The following TMPO variants were observed in gnomAD, a reference collection of about 807,000 sequenced individuals.
The protein encoded by TMPO is LEM domain containing 4.
Under a neutral mutation model 45.4 loss-of-function variants are expected in TMPO, and 22 were observed. The observed-to-expected ratio is 0.48, with a 90% CI of 0.35 to 0.69. TMPO has a LOEUF of 0.69. Ranked by LOEUF, TMPO falls within the 30% of genes least tolerant of loss-of-function variation. The pLI is 0.01. For synonymous variants in TMPO, 241 were observed against 204.1 expected (o/e 1.18, Z -1.54); for missense variants, 512 against 548.8 (o/e 0.93, Z 0.67).
At chr12:98,521,996 C>T (rs1876405877) in intron 1 of TMPO, among the ~76,000 whole-genome samples, 1 of 152,026 alleles carries the variant, frequency 6.6e-6, no homozygotes, top group Non-Finnish European at 1.5e-5. Context: ...TCCTAAAGTA[C>T]TGGGATTACA....
chr12:98,520,120 C>T (rs768359384), intron 1 of TMPO, among the ~76,000 whole-genome samples: 2 of 151,414 alleles, frequency 1.3e-5, no homozygotes, highest in African/African-American at 2.4e-5. Flanking sequence ...CCACTGCGCC[C>T]GGCTAATTTT....
At chr12:98,543,367 C>A (rs989434818) in intron 4 of TMPO, among the ~76,000 whole-genome samples, 2 of 152,148 alleles carry the variant, frequency 1.3e-5, no homozygotes, top group African/African-American at 4.8e-5. Context: ...ACTTGGAATG[C>A]GGAATTTCGG....
chr12:98,534,788 C>T lies in TMPO; in HGVS notation c.566-2687C>T, dbSNP rs181477122. 4.9e-5 allele frequency: 49 copies of T among 1,006,396 alleles called. No individual in the cohort carries two copies. The East Asian group carries it at 1.4e-3, about 29-fold the overall frequency. 62.3% of individuals were successfully genotyped at this position (1,006,396 alleles called of 1,614,324 possible). ...ATACTTTTATCTCAGTATCTTTTCA[C>T]GTTCCATAACTTGTCCATATTTTTG... On this transcript the variant is annotated intron_variant, in intron 3 of 8. Coordinates refer to ENST00000556029, the MANE Select transcript of TMPO (RefSeq NM_001032283.3).
At chr12:98,528,168 GAAATA>G (rs751340080) in intron 2 of TMPO, among the ~76,000 whole-genome samples, 156 bp downstream of exon 2, 5 of 151,532 alleles carry the variant, frequency 3.3e-5, no homozygotes, top group Non-Finnish European at 7.4e-5. Context: ...GTAAATGAGT[GAAATA>G]AAATGAGAGG....
At chr12:98,534,497 G>A (rs1877448025) in intron 3 of TMPO, 1 of 1,454,326 alleles carries the variant, frequency 6.9e-7, no homozygotes, top group South Asian at 1.4e-5. Flanking sequence ...AATTGCCTGT[G>A]TAGAACTACT....
intron 3 of TMPO, chr12:98,535,676 C>A: frequency 2.0e-6 from 2 of 985,256 alleles, no homozygotes; most frequent in Non-Finnish European, 2.4e-6. Context: ...GTGCTTTATT[C>A]TTGGAGTTGC....
At position 98,544,545 on chromosome 12, in the gene TMPO, T is replaced by C. The variant is rs1878106994; in HGVS notation, c.879+8T>C. 1 of 1,602,038 alleles carries C rather than the reference T, an allele frequency of 6.2e-7. No individual in the cohort carries two copies. Among genetic ancestry groups the C allele is most frequent in the Non-Finnish European group, 8.6e-7 (1 of 1,169,282 alleles). On this transcript the variant is annotated splice_region_variant and intron_variant, in intron 6 of 8. Transcript: ENST00000556029. ...TCAAGCAACGAATCCTTAGTAAATA[T>C]GTTTCATAAACTATACAAGTGGTAT...
rs1878359429 is a variant in TMPO at position 98,548,614 on chromosome 12, T to C, written c.*756T>C. 1 of 152,272 alleles carries C rather than the reference T, an allele frequency of 6.6e-6. No homozygotes were observed. The highest frequency in any genetic ancestry group is 2.4e-5 in the African/African-American group (1 of 41,476). The allele number at this position is 152,272 out of a possible 1,614,324, so 9.4% of individuals were successfully genotyped here. The stretch of plus-strand genomic sequence containing the variant: ...AGCTATAAGGCTATAATTGGAAATT[T>C]GTATTTTTTATTTACAGCAAAACAT... On this transcript the variant is annotated 3_prime_UTR_variant, in exon 9 of 9. Coordinates refer to ENST00000556029, the MANE Select transcript of TMPO (RefSeq NM_001032283.3).
At chr12:98,516,282 G>A in intron 1 of TMPO, 136 bp downstream of exon 1, 1 of 1,244,984 alleles carries the variant, frequency 8.0e-7, no homozygotes, top group East Asian at 3.3e-5. Context: ...GCCCCCTCGC[G>A]TCGCCCCTTC....
rs535060206 is a variant in TMPO at position 98,545,161 on chromosome 12, G to A, written c.990+100G>A. On this transcript the variant is annotated intron_variant, in intron 7 of 8. Transcript: ENST00000556029. ...TTTTTTTTTTTTGGAGTGGGAGGGAGCAGAGCTTTCTTTATTGGGTGGTGT... is the reference window on the plus strand; with the variant it reads ...TTTTTTTTTTTTGGAGTGGGAGGGAACAGAGCTTTCTTTATTGGGTGGTGT... 390 of 828,506 alleles carry A rather than the reference G, an allele frequency of 4.7e-4. 3 individuals are homozygous for A. In the South Asian group the frequency reaches 5.3e-3, roughly 11 times the overall value. 51.3% of individuals were successfully genotyped at this position (828,506 alleles called of 1,614,324 possible). A position where few individuals can be genotyped will look rare whatever the true frequency, so the allele number is the denominator to read the frequency against.
rs1247805246 is a variant in TMPO, at chr12:98,535,329, A to T, written c.566-2146A>T. 4.1e-6 allele frequency: 4 copies of T among 984,022 alleles called. No homozygotes were observed. In the South Asian group the frequency reaches 1.9e-4, roughly 46 times the overall value. 61.0% of individuals were successfully genotyped at this position (984,022 alleles called of 1,614,324 possible). ...TATATCCCAGTATCTGTATGTCTGT[A>T]TAAAGCAGTGTATTATCATGTTTTC... On this transcript the variant is annotated intron_variant, in intron 3 of 8. Transcript: ENST00000556029.
chr12:98,516,101 C>G lies in TMPO; in HGVS notation c.234C>G (p.Gly78=), dbSNP rs753917997. 3.2e-6 allele frequency: 5 copies of G among 1,558,810 alleles called. No homozygotes were observed. The African/African-American group carries it at 4.1e-5, about 13-fold the overall frequency. Residue 78 remains glycine, a synonymous_variant, in exon 1 of 9, where the codon GGC becomes GGG. Coordinates refer to ENST00000556029, the MANE Select transcript of TMPO (RefSeq NM_001032283.3). ...DEEREPTPVL[G]SGAAAAGRSR... ...AGCGCGAGCCCACCCCGGTCCTCGG[C>G]TCTGGGGCCGCCGCCGCGGGCCGGA...
chr12:98,525,154 A>T (rs1876670365), intron 1 of TMPO, among the ~76,000 whole-genome samples: 1 of 152,234 alleles, frequency 6.6e-6, no homozygotes, highest in Non-Finnish European at 1.5e-5. Context: ...TTTTCTTGAA[A>T]GAAATAAGTC....
chr12:98,533,311 C>A, intron 3 of TMPO: 1 of 1,614,108 alleles, frequency 6.2e-7, no homozygotes, highest in East Asian at 2.2e-5. Context: ...AGATCAATCG[C>A]CTCTCTCCAG....
chr12:98,520,315 G>C (rs1377200236), intron 1 of TMPO, among the ~76,000 whole-genome samples: 1 of 67,662 alleles, frequency 1.5e-5, no homozygotes, highest in African/African-American at 7.4e-5. Flanking sequence ...CCTTCTGTGT[G>C]TGTGAGAGAT....
At chr12:98,516,340 G>C in intron 1 of TMPO, 194 bp downstream of exon 1, 1 of 1,221,056 alleles carries the variant, frequency 8.2e-7, no homozygotes, top group Non-Finnish European at 1.0e-6. Flanking sequence ...AGTTGGGGCC[G>C]CGGGGTTCGC....
rs1380312362 is a variant in TMPO at position 98,549,041 on chromosome 12, A to G, written c.*1183A>G. 6.6e-6 allele frequency: 1 copy of G among 152,218 alleles called. No individual in the cohort carries two copies. The highest frequency in any genetic ancestry group is 1.9e-4 in the East Asian group (1 of 5,194). 9.4% of individuals were successfully genotyped at this position (152,218 alleles called of 1,614,324 possible). A position where few individuals can be genotyped will look rare whatever the true frequency, so the allele number is the denominator to read the frequency against. ...GAGACTGAGGCAGGAGAATCGTTTGAACCCAGGAGGCAGAGGTTGCAGTGA... is the reference window on the plus strand; with the variant it reads ...GAGACTGAGGCAGGAGAATCGTTTGGACCCAGGAGGCAGAGGTTGCAGTGA... On this transcript the variant is annotated 3_prime_UTR_variant, in exon 9 of 9. Transcript: ENST00000556029.
At chr12:98,520,327 G>C (rs1313456943) in intron 1 of TMPO, among the ~76,000 whole-genome samples, 1 of 116,944 alleles carries the variant, frequency 8.6e-6, no homozygotes, top group East Asian at 2.0e-4. Flanking sequence ...GTGAGAGATG[G>C]AGTCTCACTC....
intron 3 of TMPO, chr12:98,534,703 A>G: frequency 1.9e-6 from 2 of 1,080,958 alleles, no homozygotes; most frequent in South Asian, 2.7e-5. Context: ...ATCCTCCTTT[A>G]TACCTAGGAC....
Sources: gnomAD v4.1 joint callset for allele counts (sites outside exome capture counted in the v4.1 genomes callset) on GRCh38, gnomAD v4.1.1 for gene constraint, MANE v1.5 for transcripts, NCBI Gene and HGNC (gene_info 2026-07-23, HGNC 2026-07-21) for gene names.